The following SRPK1 variants were observed in gnomAD, a reference collection of about 807,000 sequenced individuals.
The protein encoded by SRPK1 is SRSF protein kinase 1, also known as SFRS protein kinase 1.
A neutral mutation model predicts 89.5 loss-of-function variants in SRPK1; 52 were observed. The observed-to-expected ratio is 0.58, with a 90% CI of 0.46 to 0.73. The LOEUF is 0.73. Ranked by LOEUF, SRPK1 falls within the 30% of genes least tolerant of loss-of-function variation. The pLI is 0.00. For missense variants in SRPK1, 603 were observed against 780.6 expected, an observed-to-expected ratio of 0.77 and a Z score of 2.71; for synonymous variants, 255 against 270.2, an observed-to-expected ratio of 0.94 and a Z score of 0.55.
Position 35,886,821 on chromosome 6 carries a change from G to C in SRPK1, c.391-10C>G. 1 of 1,532,984 alleles carries C rather than the reference G, an allele frequency of 6.5e-7. No homozygotes were observed. Among genetic ancestry groups the C allele is most frequent in the Non-Finnish European group, 9.0e-7 (1 of 1,107,022 alleles). 95.0% of individuals were successfully genotyped at this position (1,532,984 alleles called of 1,614,324 possible). Reference sequence around the variant, plus strand: ...GGTCTGAATTGCGAACCTGTAGTGGGGAAGAGACAGTGTTTAGCACAAGGT... The same window carrying C: ...GGTCTGAATTGCGAACCTGTAGTGGCGAAGAGACAGTGTTTAGCACAAGGT... On this transcript the variant is annotated splice_polypyrimidine_tract_variant and intron_variant, in intron 5 of 15. Coordinates refer to ENST00000373825, the MANE Select transcript of SRPK1 (RefSeq NM_003137.5).
At chr6:35,911,206 G>A (rs1205852969) in intron 2 of SRPK1, among the ~76,000 whole-genome samples, 1 of 152,156 alleles carries the variant, frequency 6.6e-6, no homozygotes, top group East Asian at 1.9e-4. Flanking sequence ...CATGGGGAGA[G>A]GTAAAAATAT....
rs1232708982 is a variant in SRPK1, at chr6:35,888,080, T to C, written c.334A>G (p.Lys112Glu). 3 of 1,607,784 alleles carry C rather than the reference T, an allele frequency of 1.9e-6. No individual in the cohort carries two copies. The highest frequency in any genetic ancestry group is 2.7e-5 in the African/African-American group (2 of 74,752). ...GTTTCAGTGTAATGTTCAGCACTTT[T>C]AACTACTTTCATTGCCACAAATTTC... ...GKKFVAMKVV[K>E]SAEHYTETAL... The change falls in exon 5 of 16, where the codon AAA (lysine) becomes GAA (glutamate). Residue 112 changes from lysine to glutamate, a missense_variant. By Grantham distance (56) the Lys-to-Glu change is moderately conservative. Coordinates refer to ENST00000373825, the MANE Select transcript of SRPK1 (RefSeq NM_003137.5).
At chr6:35,911,590 A>T (rs1328135806) in intron 2 of SRPK1, among the ~76,000 whole-genome samples, 1 of 151,662 alleles carries the variant, frequency 6.6e-6, no homozygotes, top group Non-Finnish European at 1.5e-5. Context: ...TTTAAAAAAT[A>T]AGTTTCTTTC....
intron 12 of SRPK1, among the ~76,000 whole-genome samples, chr6:35,866,941 A>G (rs904088841): frequency 1.1e-4 from 17 of 152,188 alleles, no homozygotes; most frequent in African/African-American, 4.1e-4. Flanking sequence ...GTTCTCACTT[A>G]TAAGTGGGAG....
chr6:35,904,174 T>G (rs976088477), intron 2 of SRPK1, among the ~76,000 whole-genome samples: 3 of 152,188 alleles, frequency 2.0e-5, no homozygotes, highest in Non-Finnish European at 4.4e-5. Flanking sequence ...TACAGTTATC[T>G]GAAAATTAAG....
intron 2 of SRPK1, among the ~76,000 whole-genome samples, chr6:35,915,996 A>G (rs1195475908): frequency 1.4e-5 from 1 of 72,200 alleles, no homozygotes; most frequent in African/African-American, 8.6e-5. Context: ...AAAAAAATAT[A>G]TACACACACA....
intron 6 of SRPK1, among the ~76,000 whole-genome samples, chr6:35,883,216 C>A (rs764525912): frequency 1.5e-4 from 23 of 152,034 alleles, no homozygotes; most frequent in Non-Finnish European, 2.8e-4. Flanking sequence ...TGGCAAAACC[C>A]CGTCTCTGCT....
rs989367949 is a variant in SRPK1, at chr6:35,857,239, A to G, written c.1620+22T>C. On this transcript the variant is annotated intron_variant, in intron 13 of 15. Transcript: ENST00000373825. ...AGATATGTACCACTTAACAAGTGAA[A>G]GCCAAGGGGAAAAAACATTACCATG... 4 of 1,575,422 alleles carry G rather than the reference A, an allele frequency of 2.5e-6. No homozygotes were observed. The African/African-American group carries it at 5.4e-5, about 21-fold the overall frequency.
rs1769108172 is a variant in SRPK1 at position 35,833,563 on chromosome 6, ATTC to A, written c.*1738_*1740del. On this transcript the variant is annotated 3_prime_UTR_variant, in exon 16 of 16. Transcript: ENST00000373825. ...TTGTTTGATACAATCTATTCTCTTGATTCTTGATAGGTGCATAGAAAGCCTAAC... is the reference window on the plus strand; with the variant it reads ...TTGTTTGATACAATCTATTCTCTTGATTGATAGGTGCATAGAAAGCCTAAC... 1 of 152,614 alleles carries A rather than the reference ATTC, an allele frequency of 6.6e-6. No homozygotes were observed. Among genetic ancestry groups the A allele is most frequent in the Non-Finnish European group, 1.5e-5 (1 of 68,030 alleles). 9.5% of individuals were successfully genotyped at this position (152,614 alleles called of 1,614,324 possible).
At chr6:35,868,093 C>T (rs1334871184) in intron 12 of SRPK1, among the ~76,000 whole-genome samples, 2 of 152,022 alleles carry the variant, frequency 1.3e-5, no homozygotes, top group East Asian at 3.9e-4. Flanking sequence ...CTGCCTCAGC[C>T]TCCCAAGTAG....
At chr6:35,855,410 T>C (rs1369418243) in intron 13 of SRPK1, among the ~76,000 whole-genome samples, 2 of 151,998 alleles carry the variant, frequency 1.3e-5, no homozygotes, top group African/African-American at 4.8e-5. Flanking sequence ...GAAGACAAAG[T>C]TTTTCAGGAA....
At chr6:35,907,014 AAT>A (rs768902776) in intron 2 of SRPK1, among the ~76,000 whole-genome samples, 54 of 152,302 alleles carry the variant, frequency 3.5e-4, no homozygotes, top group Non-Finnish European at 7.2e-4. Flanking sequence ...TAAGAAATAG[AAT>A]ATTACCATTT....
chr6:35,903,920 T>C (rs1213488215), intron 2 of SRPK1, among the ~76,000 whole-genome samples: 2 of 152,120 alleles, frequency 1.3e-5, no homozygotes, highest in Non-Finnish European at 2.9e-5. Flanking sequence ...AATCCCACTT[T>C]AGCTTTCCAA....
chr6:35,838,553 A>C (rs1313941386), intron 14 of SRPK1, 124 bp from the exon 15 acceptor site: 13 of 1,339,176 alleles, frequency 9.7e-6, no homozygotes, highest in Non-Finnish European at 4.1e-6. Context: ...TATCAGGCTT[A>C]CTTTCTATCC....
At chr6:35,878,788 C>T (rs779882701) in intron 6 of SRPK1, among the ~76,000 whole-genome samples, 11 of 152,212 alleles carry the variant, frequency 7.2e-5, no homozygotes, top group Non-Finnish European at 1.5e-4. Flanking sequence ...GGGAGCCAGA[C>T]ATTAAGACTA....
intron 6 of SRPK1, among the ~76,000 whole-genome samples, chr6:35,886,183 T>C (rs1478465925): frequency 6.6e-6 from 1 of 151,322 alleles, no homozygotes; most frequent in Non-Finnish European, 1.5e-5. Flanking sequence ...CCAGTTCAAG[T>C]GATTCTCCAG....
At position 35,843,974 on chromosome 6, in the gene SRPK1, A is replaced by C. The variant is rs138284296; in HGVS notation, c.1621-1370T>G. On this transcript the variant is annotated intron_variant, in intron 13 of 15. Transcript: ENST00000373825. ...CTACATAAATCCTCACTGATTACAA[A>C]TGGAGTTTTAAAAATTAGTACACAA... Among the ~76,000 whole-genome samples, 734 of 151,302 alleles carry C rather than the reference A, an allele frequency of 4.9e-3. 5 individuals carry two copies. The highest frequency in any genetic ancestry group is 0.017 in the African/African-American group (692 of 41,218).
At position 35,870,936 on chromosome 6, in the gene SRPK1, G is replaced by T. The variant is rs1260098695; in HGVS notation, c.775C>A (p.Pro259Thr). 6.2e-7 allele frequency: 1 copy of T among 1,607,630 alleles called. No homozygotes were observed. Among genetic ancestry groups the T allele is most frequent in the East Asian group, 2.2e-5 (1 of 44,808 alleles). The change falls in exon 9 of 16, where the codon CCA becomes ACA. Residue 259 changes from proline to threonine, a missense_variant and splice_region_variant. Physicochemically the swap from Pro to Thr is conservative, Grantham distance 38. Coordinates refer to ENST00000373825, the MANE Select transcript of SRPK1 (RefSeq NM_003137.5). Reference sequence around the variant, plus strand: ...ATATAAAAACACCTTATACTTACTGGTTTAGGCTGGGGAGCAGTACTGACT... The same window carrying T: ...ATATAAAAACACCTTATACTTACTGTTTTAGGCTGGGGAGCAGTACTGACT... Reference protein sequence around the residue: ...SAVSTAPQPKPADKMSKNKKK... With the variant: ...SAVSTAPQPKTADKMSKNKKK...
chr6:35,837,868 C>CT (rs796327113), intron 15 of SRPK1, among the ~76,000 whole-genome samples: 5,128 of 137,950 alleles, frequency 0.037, 151 homozygotes, highest in African/African-American at 0.084. Flanking sequence ...CCAGTCTCTG[C>CT]TTTTTTTTTT....
Sources: gnomAD v4.1 joint callset for allele counts (sites outside exome capture counted in the v4.1 genomes callset) on GRCh38, gnomAD v4.1.1 for gene constraint, MANE v1.5 for transcripts, NCBI Gene and HGNC (gene_info 2026-07-23, HGNC 2026-07-21) for gene names.